UXS1: variants seen among roughly 807,000 people sequenced by gnomAD.
The protein encoded by UXS1 is UDP-glucuronate decarboxylase 1, also known as UDP-glucuronic acid decarboxylase 1.
UXS1 carries 33 observed loss-of-function variants against 62.6 expected under a neutral mutation model. The ratio of observed to expected loss-of-function variants is 0.53; its 90% confidence interval spans 0.40 to 0.70. UXS1 has a LOEUF of 0.70. Among genes scored for constraint, UXS1 ranks in the 30% least tolerant of loss-of-function variants. The pLI is 0.00. For missense variants in UXS1, 434 were observed against 556.3 expected, an observed-to-expected ratio of 0.78 and a Z score of 2.21; for synonymous variants, 213 against 206.8, an observed-to-expected ratio of 1.03 and a Z score of -0.26.
At chr2:106,174,956 C>T (rs1056112377) in intron 1 of UXS1, among the ~76,000 whole-genome samples, 3 of 152,172 alleles carry the variant, frequency 2.0e-5, no homozygotes, top group Admixed American at 6.5e-5. Flanking sequence ...ATGGAAGAAA[C>T]GCATCTTGTT....
chr2:106,121,630 T>G (rs1382024644), intron 9 of UXS1, among the ~76,000 whole-genome samples: 1 of 152,052 alleles, frequency 6.6e-6, no homozygotes, highest in Admixed American at 6.5e-5. Context: ...ATGATGAAAG[T>G]ATGTTCCTAC....
At chr2:106,126,970 AT>A (rs1481450913) in intron 7 of UXS1, among the ~76,000 whole-genome samples, 1 of 152,154 alleles carries the variant, frequency 6.6e-6, no homozygotes, top group Non-Finnish European at 1.5e-5. Flanking sequence ...TAATTGTGTC[AT>A]TTCAAGGATG....
chr2:106,186,794 G>T (rs1033329584), intron 1 of UXS1, among the ~76,000 whole-genome samples: 1 of 151,870 alleles, frequency 6.6e-6, no homozygotes, highest in Non-Finnish European at 1.5e-5. Context: ...TTCCAGCATG[G>T]ACAACAGATT....
chr2:106,141,249 G>A (rs1681071828), intron 6 of UXS1, among the ~76,000 whole-genome samples: 1 of 152,134 alleles, frequency 6.6e-6, no homozygotes, highest in African/African-American at 2.4e-5. Flanking sequence ...AAGATCACCA[G>A]GACACAGTAA....
chr2:106,194,170 G>A lies in UXS1; in HGVS notation c.72C>T (p.Ile24=), dbSNP rs1181372068. Residue 24 remains isoleucine (I), a synonymous_variant, in exon 1 of 15, where the codon ATC becomes ATT. Transcript: ENST00000283148. The part of the protein sequence containing the change: ...NRRRMKLLLG[I]ALLAYVASVW... ...CACAGGCGACGTAGGCCAGCAAGGC[G>A]ATGCCCAGCAGCAGCTTCATCCTCC... 1.3e-6 allele frequency: 2 copies of A among 1,485,720 alleles called. No homozygotes were observed. Among genetic ancestry groups the A allele is most frequent in the Admixed American group, 2.2e-5 (1 of 44,618 alleles). The allele number at this position is 1,485,720 out of a possible 1,614,324, so 92.0% of individuals were successfully genotyped here. A position where few individuals can be genotyped will look rare whatever the true frequency, so the allele number is the denominator to read the frequency against.
intron 1 of UXS1, among the ~76,000 whole-genome samples, chr2:106,171,256 G>C (rs1226993945): frequency 1.3e-5 from 2 of 151,688 alleles, no homozygotes; most frequent in East Asian, 3.9e-4. Flanking sequence ...TAAAATGAGT[G>C]TCCTTTTCCA....
chr2:106,178,646 A>G (rs1240630340), intron 1 of UXS1, among the ~76,000 whole-genome samples: 3 of 152,056 alleles, frequency 2.0e-5, no homozygotes, highest in African/African-American at 7.2e-5. Flanking sequence ...GTGTGTGTGT[A>G]TATATAGCAG....
At chr2:106,103,847 T>G (rs1413016554) in intron 11 of UXS1, among the ~76,000 whole-genome samples, 1 of 152,190 alleles carries the variant, frequency 6.6e-6, no homozygotes, top group African/African-American at 2.4e-5. Context: ...TTTAAAATTT[T>G]ATTTTACTAC....
chr2:106,175,604 A>C (rs1218384404), intron 1 of UXS1, among the ~76,000 whole-genome samples: 1 of 152,160 alleles, frequency 6.6e-6, no homozygotes, highest in East Asian at 1.9e-4. Context: ...TGCTTCTGCC[A>C]CATTTGCTGA....
chr2:106,138,660 G>A (rs1680855504), intron 6 of UXS1: 1 of 985,382 alleles, frequency 1.0e-6, no homozygotes, highest in African/African-American at 1.7e-5. Context: ...ATCTGGTTCA[G>A]TGTTTCTTCC....
chr2:106,103,697 GC>G (rs1677804650), intron 11 of UXS1, among the ~76,000 whole-genome samples: 2 of 152,210 alleles, frequency 1.3e-5, no homozygotes, highest in African/African-American at 4.8e-5. Flanking sequence ...CTGGGCTTTT[GC>G]CCCTTGAGGC....
chr2:106,162,925 A>C (rs1327863578), intron 4 of UXS1, among the ~76,000 whole-genome samples: 1 of 152,230 alleles, frequency 6.6e-6, no homozygotes, highest in Admixed American at 6.5e-5. Context: ...CAATGCTGAC[A>C]CACATCGTCC....
At chr2:106,156,354 T>C (rs1007787192) in intron 5 of UXS1, among the ~76,000 whole-genome samples, 3 of 152,004 alleles carry the variant, frequency 2.0e-5, no homozygotes, top group African/African-American at 4.8e-5. Context: ...TCACACCCAG[T>C]AGAAAGGCTA....
rs758231754 is a variant in UXS1, at chr2:106,166,089, A to C, written c.95-6T>G. On this transcript the variant is annotated splice_region_variant and splice_polypyrimidine_tract_variant and intron_variant, in intron 1 of 14. Transcript: ENST00000283148. ...AACGAAGTTGCCCCAAACAGCTGTA[A>C]GAGAAAGAAAAAAGGAAGTCAATGT... The C allele has an allele frequency of 1.9e-6, 3 of 1,610,718 alleles. No homozygotes were observed. The highest frequency in any genetic ancestry group is 2.5e-6 in the Non-Finnish European group (3 of 1,178,716).
intron 4 of UXS1, among the ~76,000 whole-genome samples, chr2:106,163,327 T>A (rs1321128201): frequency 3.3e-4 from 2 of 6,036 alleles, no homozygotes; most frequent in African/African-American, 3.8e-4. Flanking sequence ...TGTTTGCATA[T>A]GGTACATTTC....
intron 12 of UXS1, among the ~76,000 whole-genome samples, chr2:106,099,654 G>A (rs1677421585): frequency 1.3e-5 from 2 of 152,268 alleles, no homozygotes; most frequent in South Asian, 4.1e-4. Flanking sequence ...GGAGGAACAT[G>A]GTATCTACAG....
At chr2:106,189,422 C>T (rs923863222) in intron 1 of UXS1, among the ~76,000 whole-genome samples, 1 of 152,178 alleles carries the variant, frequency 6.6e-6, no homozygotes, top group African/African-American at 2.4e-5. Context: ...GGGGGTTCTG[C>T]AAGCTGAGTA....
At chr2:106,193,336 T>C (rs1685052414) in intron 1 of UXS1, among the ~76,000 whole-genome samples, 2 of 152,254 alleles carry the variant, frequency 1.3e-5, no homozygotes, top group South Asian at 2.1e-4. Flanking sequence ...AACGTATTAA[T>C]AGCATCAATT....
chr2:106,125,049 C>T (rs865835869), intron 8 of UXS1, among the ~76,000 whole-genome samples: 16 of 152,216 alleles, frequency 1.1e-4, no homozygotes, highest in African/African-American at 3.6e-4. Flanking sequence ...ATTGAAAACA[C>T]AGCTCCTGGT....
Sources: gnomAD v4.1 joint callset for allele counts (sites outside exome capture counted in the v4.1 genomes callset) on GRCh38, gnomAD v4.1.1 for gene constraint, MANE v1.5 for transcripts, NCBI Gene and HGNC (gene_info 2026-07-23, HGNC 2026-07-21) for gene names.